ZNF676: variants seen among roughly 807,000 people sequenced by gnomAD.
The protein encoded by ZNF676 is zinc finger protein 676.
A neutral mutation model predicts 6.0 loss-of-function variants in ZNF676; 4 were observed. The ratio of observed to expected loss-of-function variants is 0.67; its 90% confidence interval spans 0.33 to 1.53. The LOEUF is 1.53. Ranked by LOEUF, ZNF676 falls within the 40% of genes most tolerant of loss-of-function variation. The probability of loss-of-function intolerance (pLI) is 0.06; values close to 1 mark genes in which losing one functional copy is unlikely to be tolerated. For synonymous variants in ZNF676, 198 were observed against 223.1 expected (o/e 0.89, Z 1.00); for missense variants, 644 against 679.7 (o/e 0.95, Z 0.58).
At chr19:22,225,651 T>C in the ZNF676 span, among the ~76,000 whole-genome samples, 1 of 152,166 alleles carries the variant, frequency 6.6e-6, no homozygotes, top group African/African-American at 2.4e-5. Flanking sequence ...CCAATGGGTG[T>C]CAGGTTATTT....
the ZNF676 span, among the ~76,000 whole-genome samples, chr19:22,240,181 A>G: frequency 4.6e-5 from 7 of 152,176 alleles, no homozygotes; most frequent in African/African-American, 1.7e-4. Context: ...GGGACCAAAG[A>G]TATGTATCAA....
the ZNF676 span, among the ~76,000 whole-genome samples, chr19:22,235,127 G>GGAAC: frequency 6.8e-6 from 1 of 146,424 alleles, no homozygotes; most frequent in Admixed American, 6.9e-5. Flanking sequence ...AAGGCAGGAA[G>GGAAC]GAAGGAAGGA....
chr19:22,194,725 C>T (rs935032445), intron 1 of ZNF676, among the ~76,000 whole-genome samples: 5 of 152,174 alleles, frequency 3.3e-5, no homozygotes, highest in Middle Eastern at 3.4e-3. Flanking sequence ...ATAACACCCC[C>T]GCTAGGAAAC....
At chr19:22,248,330 T>C in the ZNF676 span, among the ~76,000 whole-genome samples, 37,473 of 152,128 alleles carry the variant, frequency 0.25, 5,312 homozygotes, top group South Asian at 0.44. Context: ...CACAGTCTTC[T>C]ATAATGGTTG....
chr19:22,203,296 T>G (rs1184997458), intron 1 of ZNF676: 1 of 153,130 alleles, frequency 6.5e-6, no homozygotes, highest in Non-Finnish European at 1.5e-5. Context: ...TAGAGATAGC[T>G]CTGAGAGTTC....
chr19:22,221,702 GATTGCACC>G, the ZNF676 span, among the ~76,000 whole-genome samples: 4,823 of 151,830 alleles, frequency 0.032, 264 homozygotes, highest in African/African-American at 0.11. Context: ...TGTGAGCTGA[GATTGCACC>G]ATTGCACTCC....
chr19:22,226,230 G>C, the ZNF676 span, among the ~76,000 whole-genome samples: 580 of 151,978 alleles, frequency 3.8e-3, 4 homozygotes, highest in African/African-American at 0.012. Context: ...TTTACAGAAG[G>C]GTTCATTTCT....
rs751653664 is a variant in ZNF676, at chr19:22,179,964, C to T, written c.1753G>A (p.Gly585Arg). ...TVSYHKKIHT[G>R]ENP ...TCTTCACATTTTTAGGGATTCTCTC[C>T]AGTATGAATTTTCTTATGATAACTA... is the stretch of plus-strand genomic sequence containing the variant. The change falls in exon 3 of 3, where the codon GGA becomes AGA. Residue 585 changes from glycine (G) to arginine (R), a missense_variant. Gly to Arg is a moderately radical substitution (Grantham distance 125). Coordinates refer to ENST00000397121, the MANE Select transcript of ZNF676 (RefSeq NM_001001411.3). 3 of 1,612,866 alleles carry T rather than the reference C, an allele frequency of 1.9e-6. No individual in the cohort carries two copies. The highest frequency in any genetic ancestry group is 2.5e-6 in the Non-Finnish European group (3 of 1,179,622).
At chr19:22,216,392 G>A (rs2024190273), upstream of ZNF676, among the ~76,000 whole-genome samples, 1 of 152,108 alleles carries the variant, frequency 6.6e-6, no homozygotes, top group Non-Finnish European at 1.5e-5. Context: ...CCAGGATCAA[G>A]CCATTGCACT....
At chr19:22,226,438 G>T in the ZNF676 span, among the ~76,000 whole-genome samples, 1 of 151,962 alleles carries the variant, frequency 6.6e-6, no homozygotes, top group Non-Finnish European at 1.5e-5. Context: ...TGTGCTATTA[G>T]GAATTTTATA....
upstream of ZNF676, among the ~76,000 whole-genome samples, chr19:22,219,658 G>A (rs1358390623): frequency 6.6e-6 from 1 of 150,864 alleles, no homozygotes; most frequent in Non-Finnish European, 1.5e-5. Flanking sequence ...ATCACAGATA[G>A]ATTTTTTTTT....
At chr19:22,248,081 A>ATT in the ZNF676 span, among the ~76,000 whole-genome samples, 23 of 151,934 alleles carry the variant, frequency 1.5e-4, no homozygotes, top group Admixed American at 2.6e-4. Context: ...CGAACTCATC[A>ATT]TTTTTTTATG....
chr19:22,194,272 T>A (rs1477452325), intron 1 of ZNF676, among the ~76,000 whole-genome samples: 1 of 152,160 alleles, frequency 6.6e-6, no homozygotes, highest in Non-Finnish European at 1.5e-5. Flanking sequence ...CAGTGTGGCA[T>A]CAGATCCCTA....
At chr19:22,251,061 C>T in the ZNF676 span, among the ~76,000 whole-genome samples, 1 of 152,052 alleles carries the variant, frequency 6.6e-6, no homozygotes, top group Admixed American at 6.6e-5. Context: ...GTCTTGGGAC[C>T]CCAAGAAGAG....
rs2023973642 is a variant in ZNF676 at position 22,196,938 on chromosome 19, T to A, written c.-305A>T. 4.0e-6 allele frequency: 2 copies of A among 500,744 alleles called. No homozygotes were observed. The highest frequency in any genetic ancestry group is 7.3e-5 in the East Asian group (2 of 27,482). 31.0% of individuals were successfully genotyped at this position (500,744 alleles called of 1,614,324 possible). On this transcript the variant is annotated 5_prime_UTR_variant, in exon 1 of 3. Transcript: ENST00000397121. ...AAAGTGGTATAAGATCCATAACATC[T>A]GTGTATATGTAATATTTTTCTAGAT... is the stretch of plus-strand genomic sequence containing the variant.
chr19:22,194,775 G>C (rs1244808930), intron 1 of ZNF676, among the ~76,000 whole-genome samples: 4 of 152,022 alleles, frequency 2.6e-5, no homozygotes, highest in Admixed American at 2.0e-4. Context: ...AACAATGACG[G>C]CATTCCCAGT....
the ZNF676 span, among the ~76,000 whole-genome samples, chr19:22,252,815 G>A: frequency 4.2e-4 from 64 of 152,334 alleles, no homozygotes; most frequent in African/African-American, 1.3e-3. Flanking sequence ...TTGACTAAGC[G>A]CTGGTGCAGA....
At chr19:22,227,679 A>G in the ZNF676 span, among the ~76,000 whole-genome samples, 4 of 152,332 alleles carry the variant, frequency 2.6e-5, no homozygotes, top group East Asian at 5.8e-4. Context: ...TCAAGAGGGT[A>G]TTGGCACTGA....
chr19:22,230,249 C>G, the ZNF676 span, among the ~76,000 whole-genome samples: 1 of 152,110 alleles, frequency 6.6e-6, no homozygotes, highest in African/African-American at 2.4e-5. Context: ...AACACAAGAA[C>G]AGAAAACCAA....
Sources: gnomAD v4.1 joint callset for allele counts (sites outside exome capture counted in the v4.1 genomes callset) on GRCh38, gnomAD v4.1.1 for gene constraint, MANE v1.5 for transcripts, NCBI Gene and HGNC (gene_info 2026-07-23, HGNC 2026-07-21) for gene names.